Variants in TASP1 observed in about 807,000 individuals in gnomAD.
TASP1 encodes the protein taspase 1, also known as threonine aspartase 1.
Under a neutral mutation model 56.6 loss-of-function variants are expected in TASP1, and 16 were observed. The ratio of observed to expected loss-of-function variants is 0.28; its 90% CI spans 0.19 to 0.43. TASP1 has a LOEUF of 0.43. Among genes scored for constraint, TASP1 ranks in the 20% least tolerant of loss-of-function variants. The pLI is 1.00. For missense variants in TASP1, 393 were observed against 511.6 expected (o/e 0.77, Z 2.24); for synonymous variants, 179 against 184.2 (o/e 0.97, Z 0.23).
the TASP1 span, among the ~76,000 whole-genome samples, chr20:13,180,176 T>A: frequency 6.6e-6 from 1 of 152,204 alleles, no homozygotes; most frequent in African/African-American, 2.4e-5. Flanking sequence ...AGCTTCCTGC[T>A]TCAGGAATCA....
the TASP1 span, among the ~76,000 whole-genome samples, chr20:13,164,205 A>G: frequency 6.6e-6 from 1 of 152,174 alleles, no homozygotes. Context: ...AAGAGAGTTG[A>G]AACAGACAAG....
intron 12 of TASP1, among the ~76,000 whole-genome samples, chr20:13,430,775 T>C (rs1033816327): frequency 5.9e-5 from 9 of 152,196 alleles, no homozygotes; most frequent in African/African-American, 1.9e-4. Context: ...GTCACACAAG[T>C]GGACTTTGAA....
the TASP1 span, among the ~76,000 whole-genome samples, chr20:13,201,840 G>A: frequency 6.7e-6 from 1 of 150,070 alleles, no homozygotes; most frequent in East Asian, 2.0e-4. Context: ...TGCAACCTCC[G>A]CCTCCTGGGT....
the TASP1 span, among the ~76,000 whole-genome samples, chr20:13,361,307 A>G: frequency 2.6e-5 from 4 of 152,198 alleles, no homozygotes; most frequent in African/African-American, 4.8e-5. Flanking sequence ...GTTCTGTTAG[A>G]CATAATTCCT....
intron 13 of TASP1, 110 bp from the exon 14 acceptor site, chr20:13,390,562 AT>A: frequency 1.1e-6 from 1 of 878,102 alleles, no homozygotes; most frequent in South Asian, 1.5e-5. Context: ...TTAGGCCTTC[AT>A]TTTGCTTCTG....
At chr20:13,490,867 A>C (rs760467435) in intron 10 of TASP1, among the ~76,000 whole-genome samples, 5 of 152,180 alleles carry the variant, frequency 3.3e-5, no homozygotes, top group Non-Finnish European at 7.3e-5. Context: ...TTTTGAGGAC[A>C]AAATGAGAAA....
chr20:13,316,283 A>AATTGAT, the TASP1 span, among the ~76,000 whole-genome samples: 1 of 151,996 alleles, frequency 6.6e-6, no homozygotes, highest in Non-Finnish European at 1.5e-5. Flanking sequence ...TCTATTAAGG[A>AATTGAT]AATTGAATTG....
chr20:13,310,241 G>T, the TASP1 span, among the ~76,000 whole-genome samples: 1 of 152,134 alleles, frequency 6.6e-6, no homozygotes, highest in Non-Finnish European at 1.5e-5. Context: ...TAAATCAATG[G>T]AGCAGAATAG....
intron 10 of TASP1, among the ~76,000 whole-genome samples, chr20:13,520,176 T>A (rs1006372525): frequency 7.2e-5 from 11 of 152,048 alleles, no homozygotes; most frequent in Non-Finnish European, 1.3e-4. Context: ...AGAATCAATA[T>A]CGGGAAAATG....
chr20:13,304,353 G>A, the TASP1 span, among the ~76,000 whole-genome samples: 70 of 152,202 alleles, frequency 4.6e-4, no homozygotes, highest in African/African-American at 1.4e-3. Context: ...CAAAGTGGGC[G>A]GTCATGGGGA....
the TASP1 span, among the ~76,000 whole-genome samples, chr20:13,359,886 G>A: frequency 8.6e-5 from 13 of 151,546 alleles, no homozygotes; most frequent in South Asian, 2.1e-4. Context: ...CCTCCTTGGC[G>A]GCCGATCATG....
At chr20:13,491,785 G>C (rs967779060) in intron 10 of TASP1, among the ~76,000 whole-genome samples, 3 of 151,852 alleles carry the variant, frequency 2.0e-5, no homozygotes, top group Non-Finnish European at 4.4e-5. Context: ...AATCTTTTTT[G>C]TCTTCATCTA....
the TASP1 span, among the ~76,000 whole-genome samples, chr20:13,250,512 G>A: frequency 6.6e-6 from 1 of 152,188 alleles, no homozygotes; most frequent in Non-Finnish European, 1.5e-5. Flanking sequence ...AGTTAAGCAT[G>A]CCAGGCAGCT....
At chr20:13,503,418 G>T (rs1054452495) in intron 10 of TASP1, among the ~76,000 whole-genome samples, 1 of 152,016 alleles carries the variant, frequency 6.6e-6, no homozygotes, top group Non-Finnish European at 1.5e-5. Flanking sequence ...TGGAATAGGC[G>T]TAAAAAAAAG....
At chr20:13,133,225 C>T in the TASP1 span, among the ~76,000 whole-genome samples, 1 of 152,182 alleles carries the variant, frequency 6.6e-6, no homozygotes, top group South Asian at 2.1e-4. Flanking sequence ...TGCACAAGTA[C>T]CCTCACCTGT....
At chr20:13,301,766 A>G in the TASP1 span, among the ~76,000 whole-genome samples, 46 of 152,072 alleles carry the variant, frequency 3.0e-4, no homozygotes, top group African/African-American at 1.1e-3. Context: ...TCCTGTCAGG[A>G]CAGGTATTCA....
chr20:13,265,264 C>A, the TASP1 span, among the ~76,000 whole-genome samples: 1 of 152,130 alleles, frequency 6.6e-6, no homozygotes, highest in African/African-American at 2.4e-5. Context: ...CGTTTACAAG[C>A]CTTTTTTATT....
At chr20:13,627,088 C>T (rs1455547885) in intron 2 of TASP1, among the ~76,000 whole-genome samples, 1 of 152,086 alleles carries the variant, frequency 6.6e-6, no homozygotes, top group African/African-American at 2.4e-5. Flanking sequence ...ACTGCTATTT[C>T]ATTTAAGTAA....
chr20:13,450,413 C>T (rs2043574937), intron 11 of TASP1, among the ~76,000 whole-genome samples: 1 of 152,092 alleles, frequency 6.6e-6, no homozygotes, highest in Non-Finnish European at 1.5e-5. Flanking sequence ...TCACATTTTA[C>T]TCACAGTAGA....
Sources: gnomAD v4.1 joint callset for allele counts (sites outside exome capture counted in the v4.1 genomes callset) on GRCh38, gnomAD v4.1.1 for gene constraint, MANE v1.5 for transcripts, NCBI Gene and HGNC (gene_info 2026-07-23, HGNC 2026-07-21) for gene names.